The following PPM1L variants were observed in gnomAD, a reference collection of about 807,000 sequenced individuals.
The protein encoded by PPM1L is protein phosphatase, Mg2+/Mn2+ dependent 1L, also known as protein phosphatase 1L.
Under a neutral mutation model 31.4 loss-of-function variants are expected in PPM1L, and 13 were observed. The observed-to-expected ratio is 0.41, with a 90% CI of 0.27 to 0.66. PPM1L has a LOEUF of 0.66. Ranked by LOEUF, PPM1L falls within the 30% of genes least tolerant of loss-of-function variation. The pLI is 0.29. For missense variants in PPM1L, 326 were observed against 453.7 expected, an observed-to-expected ratio of 0.72 and a Z score of 2.56; for synonymous variants, 184 against 175.4, an observed-to-expected ratio of 1.05 and a Z score of -0.39.
chr3:160,864,155 C>T (rs566643566), intron 1 of PPM1L, among the ~76,000 whole-genome samples: 12 of 152,050 alleles, frequency 7.9e-5, no homozygotes, highest in Admixed American at 6.6e-4. Context: ...ACCTCATTCT[C>T]CCTTGTCTGT....
At chr3:160,778,221 A>T (rs976008172) in intron 1 of PPM1L, among the ~76,000 whole-genome samples, 2 of 151,904 alleles carry the variant, frequency 1.3e-5, no homozygotes, top group Admixed American at 1.3e-4. Context: ...TGCCTATTTT[A>T]AAATTAGTTT....
chr3:160,814,016 A>G (rs1712890957), intron 1 of PPM1L, among the ~76,000 whole-genome samples: 1 of 152,212 alleles, frequency 6.6e-6, no homozygotes, highest in South Asian at 2.1e-4. Flanking sequence ...AAAAGTAAAG[A>G]TCTTTTACTA....
chr3:160,793,517 G>A (rs551102404), intron 1 of PPM1L, among the ~76,000 whole-genome samples: 13 of 152,228 alleles, frequency 8.5e-5, no homozygotes, highest in African/African-American at 3.1e-4. Flanking sequence ...CCTATGTCAG[G>A]CCTTCAAATG....
intron 2 of PPM1L, among the ~76,000 whole-genome samples, chr3:161,012,703 A>G (rs191349788): frequency 1.1e-4 from 17 of 152,088 alleles, no homozygotes; most frequent in Admixed American, 1.0e-3. Context: ...AGCTCCTGTT[A>G]TTGGTCTATT....
At chr3:160,800,788 C>T (rs1298601528) in intron 1 of PPM1L, among the ~76,000 whole-genome samples, 1 of 152,082 alleles carries the variant, frequency 6.6e-6, no homozygotes, top group Non-Finnish European at 1.5e-5. Context: ...ATAATGTACT[C>T]TAAGATTTGG....
At chr3:160,943,764 A>C (rs1310838002) in intron 1 of PPM1L, among the ~76,000 whole-genome samples, 5 of 152,150 alleles carry the variant, frequency 3.3e-5, no homozygotes, top group Non-Finnish European at 7.4e-5. Flanking sequence ...TTCACTATTT[A>C]ATTGCCTGAA....
At chr3:161,054,251 T>C (rs1719353223) in intron 2 of PPM1L, among the ~76,000 whole-genome samples, 1 of 152,076 alleles carries the variant, frequency 6.6e-6, no homozygotes, top group Non-Finnish European at 1.5e-5. Context: ...CCTCAGATGT[T>C]TTGTTGTCAG....
At chr3:160,866,780 C>G (rs1712103385) in intron 1 of PPM1L, among the ~76,000 whole-genome samples, 1 of 152,190 alleles carries the variant, frequency 6.6e-6, no homozygotes, top group South Asian at 2.1e-4. Context: ...GATTACCTCT[C>G]TTTGTAATTC....
intron 1 of PPM1L, among the ~76,000 whole-genome samples, chr3:160,795,950 A>G (rs1462352931): frequency 6.6e-6 from 1 of 152,150 alleles, no homozygotes; most frequent in African/African-American, 2.4e-5. Flanking sequence ...ATTTTCCCAG[A>G]GAAAGCCCTA....
At chr3:160,875,826 G>A (rs534434768) in intron 1 of PPM1L, among the ~76,000 whole-genome samples, 21 of 152,298 alleles carry the variant, frequency 1.4e-4, no homozygotes, top group African/African-American at 4.3e-4. Flanking sequence ...GTTCATAACC[G>A]TCATGCAGAA....
chr3:161,077,572 T>A lies in PPM1L; in HGVS notation c.*8415T>A, dbSNP rs1720144248. 6.6e-6 allele frequency: 1 copy of A among 152,248 alleles called. No homozygotes were observed. Among genetic ancestry groups the A allele is most frequent in the Non-Finnish European group, 1.5e-5 (1 of 68,052 alleles). 9.4% of individuals were successfully genotyped at this position (152,248 alleles called of 1,614,324 possible). On this transcript the variant is annotated 3_prime_UTR_variant, in exon 4 of 4. Transcript: ENST00000498165. ...TCCCAAGAGACTAGTGTAATAACCT[T>A]ATGCCCCCAAAGACAGCCCAGAACT...
intron 2 of PPM1L, among the ~76,000 whole-genome samples, chr3:160,994,924 AG>A (rs1000311035): frequency 2.0e-5 from 3 of 152,204 alleles, no homozygotes; most frequent in Admixed American, 6.5e-5. Flanking sequence ...TCTGCAAGAA[AG>A]GCGCTCCAGG....
chr3:160,796,971 T>C (rs1712267244), intron 1 of PPM1L, among the ~76,000 whole-genome samples: 1 of 152,162 alleles, frequency 6.6e-6, no homozygotes, highest in Non-Finnish European at 1.5e-5. Flanking sequence ...CCATGCTCAC[T>C]CTGTCACTTT....
intron 2 of PPM1L, among the ~76,000 whole-genome samples, chr3:161,057,062 C>A (rs1235267167): frequency 5.3e-5 from 8 of 151,596 alleles, no homozygotes. Flanking sequence ...AACTCCATCT[C>A]AAAAAAATAA....
chr3:160,807,881 A>G (rs181081822), intron 1 of PPM1L, among the ~76,000 whole-genome samples: 1 of 151,042 alleles, frequency 6.6e-6, no homozygotes. Context: ...CATTTGGTTT[A>G]GAATTAAGGG....
chr3:160,944,880 ATATATAT>A (rs1715320712), intron 1 of PPM1L, among the ~76,000 whole-genome samples: 1 of 16,478 alleles, frequency 6.1e-5, no homozygotes, highest in African/African-American at 1.7e-4. Flanking sequence ...TATATATAAC[ATATATAT>A]TATATATAAC....
chr3:160,842,700 T>G (rs1405970043), intron 1 of PPM1L, among the ~76,000 whole-genome samples: 1 of 152,208 alleles, frequency 6.6e-6, no homozygotes, highest in Non-Finnish European at 1.5e-5. Context: ...AATGCATTAA[T>G]TCAAATTTGA....
intron 1 of PPM1L, among the ~76,000 whole-genome samples, chr3:160,811,520 A>G (rs893298520): frequency 8.5e-5 from 13 of 152,236 alleles, no homozygotes; most frequent in African/African-American, 3.1e-4. Context: ...AAAAAGCCTA[A>G]AATATTCTCT....
At chr3:160,904,378 A>C (rs190116277) in intron 1 of PPM1L, among the ~76,000 whole-genome samples, 1 of 152,356 alleles carries the variant, frequency 6.6e-6, no homozygotes, top group East Asian at 1.9e-4. Flanking sequence ...TATAATCTTT[A>C]TATGCATTGA....
Sources: gnomAD v4.1 joint callset for allele counts (sites outside exome capture counted in the v4.1 genomes callset) on GRCh38, gnomAD v4.1.1 for gene constraint, MANE v1.5 for transcripts, NCBI Gene and HGNC (gene_info 2026-07-23, HGNC 2026-07-21) for gene names.